The following SNX22 variants were observed in gnomAD, a reference collection of about 807,000 sequenced individuals.
SNX22 encodes the protein sorting nexin-22.
In SNX22, 23 loss-of-function variants were observed where a neutral mutation model predicts 24.7. That is an observed-to-expected ratio of 0.93 (90% CI 0.67 to 1.32). The LOEUF (loss-of-function observed/expected upper bound fraction) is 1.32. Ranked by LOEUF, SNX22 falls within the 40% of genes most tolerant of loss-of-function variation. The pLI is 0.00. For missense variants in SNX22, 261 were observed against 249.9 expected (o/e 1.04, Z -0.30); for synonymous variants, 99 against 104.0 (o/e 0.95, Z 0.29).
rs768139643 is a variant in SNX22 at position 64,154,697 on chromosome 15, G to A, written c.*189G>A. ...TAGCTGGAGGTGGTAGAATTTGTAT[G>A]CTCTTAGAGCCCAACAGCCAAGGCA... On this transcript the variant is annotated 3_prime_UTR_variant, in exon 7 of 7. Coordinates refer to ENST00000325881, the MANE Select transcript of SNX22 (RefSeq NM_024798.3). The A allele has an allele frequency of 4.2e-5, 28 of 667,326 alleles. No individual in the cohort carries two copies. Among genetic ancestry groups the A allele is most frequent in the Non-Finnish European group, 6.6e-5 (27 of 407,904 alleles). The allele number at this position is 667,326 out of a possible 1,614,324, so 41.3% of individuals were successfully genotyped here.
In SNX22 at chr15:64,156,080, G is replaced by C; in HGVS notation, c.*1572G>C. 2 of 1,614,208 alleles carry C rather than the reference G, an allele frequency of 1.2e-6. No individual in the cohort carries two copies. Among genetic ancestry groups the C allele is most frequent in the African/African-American group, 2.7e-5 (2 of 75,046 alleles). ...CCTCGATCTTGCCGCAGTCTGCGAT[G>C]ATCACATCCTTCAGGGGTTTATCCC... On this transcript the variant is annotated 3_prime_UTR_variant, in exon 7 of 7. Coordinates refer to ENST00000325881, the MANE Select transcript of SNX22 (RefSeq NM_024798.3). The surrounding 1 kb of genome is among the most constrained non-coding windows in gnomAD (Gnocchi z 6.4).
At position 64,153,353 on chromosome 15, in the gene SNX22, A is replaced by C; in HGVS notation, c.359+14A>C. ...TAGCAACTGGGGGTAAGGGGGGCCG[A>C]TGGCGGGGGCCAGGGGCTGTCAGCA... On this transcript the variant is annotated intron_variant, in intron 4 of 6. Transcript: ENST00000325881. 20 of 1,613,440 alleles carry C rather than the reference A, an allele frequency of 1.2e-5. No individual in the cohort carries two copies. Among genetic ancestry groups the C allele is most frequent in the Non-Finnish European group, 1.1e-5 (13 of 1,179,758 alleles).
intron 5 of SNX22, 30 bp from the exon 6 acceptor site, chr15:64,153,905 C>T (rs756967748): frequency 1.9e-6 from 3 of 1,603,620 alleles, no homozygotes; most frequent in Non-Finnish European, 2.6e-6. Context: ...GCCTCCCGCA[C>T]CCATGGTTCA....
chr15:64,152,765 G>GC (rs752125582), intron 3 of SNX22, 23 bp downstream of exon 3: 21 of 1,607,944 alleles, frequency 1.3e-5, no homozygotes, highest in Admixed American at 3.3e-5. Context: ...ACAGTTGGTT[G>GC]CCCCCCGGCC....
Position 64,155,309 on chromosome 15 carries a change from G to C in SNX22, c.*801G>C, listed in dbSNP as rs191958624. 9.4e-3 allele frequency: 1,423 copies of C among 152,136 alleles called. 23 individuals carry two copies. The highest frequency in any genetic ancestry group is 0.033 in the African/African-American group (1,365 of 41,352). 9.4% of individuals were successfully genotyped at this position (152,136 alleles called of 1,614,324 possible). A position where few individuals can be genotyped will look rare whatever the true frequency, so the allele number is the denominator to read the frequency against. ...AGCCAGGAGGCGGAAGTTGTGGTGA[G>C]CCGAGATCGCGCCACTGCACTCCAG... On this transcript the variant is annotated 3_prime_UTR_variant, in exon 7 of 7. Coordinates refer to ENST00000325881, the MANE Select transcript of SNX22 (RefSeq NM_024798.3).
chr15:64,153,585 G>A lies in SNX22; in HGVS notation c.360-67G>A, dbSNP rs1596024387. ...GGGAGGTGCAGTTCTGGGCTCTGGT[G>A]TCTCCACCCCTTCCTCACGCTCCCC... On this transcript the variant is annotated intron_variant, in intron 4 of 6. Transcript: ENST00000325881. 6 of 1,602,082 alleles carry A rather than the reference G, an allele frequency of 3.7e-6. No individual in the cohort carries two copies. In the East Asian group the frequency reaches 1.3e-4, roughly 36 times the overall value.
Position 64,151,790 on chromosome 15 carries a change from C to T in SNX22, c.15C>T (p.His5=), listed in dbSNP as rs1428310381. Residue 5 remains histidine (H), a synonymous_variant, in exon 1 of 7, where the codon CAC becomes CAT. Transcript: ENST00000325881. ...CCGGGGCGCGGATGCTGGAAGTTCA[C>T]ATCCCGTCGGTGGGGCCCGAGGCCG... MLEV[H]IPSVGPEAEG... The T allele has an allele frequency of 7.2e-6, 11 of 1,537,680 alleles. No homozygotes were observed. Among genetic ancestry groups the T allele is most frequent in the Non-Finnish European group, 9.6e-6 (11 of 1,144,004 alleles).
chr15:64,152,358 G>A, intron 2 of SNX22, 32 bp downstream of exon 2: 3 of 1,493,050 alleles, frequency 2.0e-6, no homozygotes, highest in Non-Finnish European at 2.7e-6. Flanking sequence ...ACCGGCCCCG[G>A]CCCAGCCTCT....
At position 64,156,425 on chromosome 15, in the gene SNX22, C is replaced by T. The variant is rs1432923397; in HGVS notation, c.*1917C>T. ...ACCAGGGCATGTGGCTTCTCAGGGA[C>T]ATTGCGTTCAGCTGCACTCTGTATA... On this transcript the variant is annotated 3_prime_UTR_variant, in exon 7 of 7. Transcript: ENST00000325881. This position sits in a 1 kb window ranked among gnomAD's most constrained non-coding sequence, Gnocchi z 6.4. 8 of 618,150 alleles carry T rather than the reference C, an allele frequency of 1.3e-5. No individual in the cohort carries two copies. In the East Asian group the frequency reaches 2.2e-4, roughly 17 times the overall value. The allele number at this position is 618,150 out of a possible 1,614,324, so 38.3% of individuals were successfully genotyped here. A position where few individuals can be genotyped will look rare whatever the true frequency, so the allele number is the denominator to read the frequency against.
intron 4 of SNX22, 48 bp from the exon 5 acceptor site, chr15:64,153,604 G>A (rs375947746): frequency 1.2e-6 from 2 of 1,612,716 alleles, no homozygotes; most frequent in South Asian, 1.1e-5. Flanking sequence ...CCTTCCTCAC[G>A]CTCCCCCGGC....
rs1445705211 is a variant in SNX22 at position 64,155,773 on chromosome 15, TA to T, written c.*1266del. ...TTGCAGGCATGTTGGGATGTAGGCC[TA>T]GGGGAGGTGCTGCAGGCTCAAGAAC... On this transcript the variant is annotated 3_prime_UTR_variant, in exon 7 of 7. Transcript: ENST00000325881. 2 of 476,346 alleles carry T rather than the reference TA, an allele frequency of 4.2e-6. No homozygotes were observed. Among genetic ancestry groups the T allele is most frequent in the Admixed American group, 3.4e-5 (1 of 29,792 alleles). 29.5% of individuals were successfully genotyped at this position (476,346 alleles called of 1,614,324 possible).
intron 3 of SNX22, 82 bp downstream of exon 3, chr15:64,152,824 G>C (rs1672813987): frequency 7.8e-7 from 1 of 1,276,078 alleles, no homozygotes; most frequent in Admixed American, 1.9e-5. Context: ...GGGCATGGCA[G>C]GGAGGGAACC....
rs2081539464 is a variant in SNX22 at position 64,157,158 on chromosome 15, T to C, written c.*2650T>C. ...TCACAGAAGGATTACTTTGAGAAGA[T>C]AGTTTTGTGGCTTTTAAATAAGGCG... On this transcript the variant is annotated 3_prime_UTR_variant, in exon 7 of 7. Transcript: ENST00000325881. This position sits in a 1 kb window ranked among gnomAD's most constrained non-coding sequence, Gnocchi z 4.2. The C allele has an allele frequency of 1.8e-6, 1 of 566,472 alleles. No homozygotes were observed. Among genetic ancestry groups the C allele is most frequent in the South Asian group, 2.2e-5 (1 of 46,368 alleles). 35.1% of individuals were successfully genotyped at this position (566,472 alleles called of 1,614,324 possible).
chr15:64,152,682 G>A lies in SNX22; in HGVS notation c.204G>A (p.Leu68=). The change falls in exon 3 of 7, where the codon CTG becomes CTA. Residue 68 remains leucine (L), a synonymous_variant. Transcript: ENST00000325881. ...YKVPDFPSKR[L]PNWRTRGLEQ... ...TGCCCGACTTCCCCTCGAAACGCCTGCCCAACTGGAGGACCAGAGGGTTGG... is the reference window on the plus strand; with the variant it reads ...TGCCCGACTTCCCCTCGAAACGCCTACCCAACTGGAGGACCAGAGGGTTGG... 6.2e-7 allele frequency: 1 copy of A among 1,614,206 alleles called. No homozygotes were observed. Among genetic ancestry groups the A allele is most frequent in the South Asian group, 1.1e-5 (1 of 91,088 alleles).
At chr15:64,151,880 G>A (rs1178883222) in intron 1 of SNX22, 30 bp downstream of exon 1, 6 of 1,513,362 alleles carry the variant, frequency 4.0e-6, no homozygotes, top group Non-Finnish European at 4.4e-6. Context: ...GGGGAGGGGC[G>A]CCGGGACCCG....
Position 64,154,417 on chromosome 15 carries a change from T to C in SNX22, c.491T>C (p.Val164Ala). The C allele has an allele frequency of 6.2e-7, 1 of 1,614,142 alleles. No individual in the cohort carries two copies. The highest frequency in any genetic ancestry group is 8.5e-7 in the Non-Finnish European group (1 of 1,180,018). ...ESLPNVVVNGVLQGLYSFSIS... is the reference protein window; with the variant it reads ...ESLPNVVVNGALQGLYSFSIS... ...CTGCCCAACGTGGTGGTGAATGGTG[T>C]GCTCCAGGGCCTCTACAGCTTCAGC... Residue 164 changes from valine (V) to alanine (A), a missense_variant, in exon 7 of 7, where the codon GTG (valine) becomes GCG (alanine). Val to Ala is a moderately conservative substitution (Grantham distance 64). Coordinates refer to ENST00000325881, the MANE Select transcript of SNX22 (RefSeq NM_024798.3).
At position 64,154,084 on chromosome 15, in the gene SNX22, T is replaced by A. The variant is rs115888778; in HGVS notation, c.460+82T>A. The A allele has an allele frequency of 3.3e-3, 5,331 of 1,613,168 alleles. 54 individuals carry two copies. Among genetic ancestry groups the A allele is most frequent in the African/African-American group, 0.028 (2,121 of 74,988 alleles). On this transcript the variant is annotated intron_variant, in intron 6 of 6. Coordinates refer to ENST00000325881, the MANE Select transcript of SNX22 (RefSeq NM_024798.3). Reference sequence around the variant, plus strand: ...CGGCTCCTGGGACCCTCAGACAGCATCTCCTTCCTGCTGCCCACCTCTGGA... The same window carrying A: ...CGGCTCCTGGGACCCTCAGACAGCAACTCCTTCCTGCTGCCCACCTCTGGA...
rs577524527 is a variant in SNX22 at position 64,156,456 on chromosome 15, G to A, written c.*1948G>A. The A allele has an allele frequency of 1.6e-6, 1 of 617,714 alleles. No individual in the cohort carries two copies. Among genetic ancestry groups the A allele is most frequent in the Non-Finnish European group, 2.9e-6 (1 of 348,294 alleles). 38.3% of individuals were successfully genotyped at this position (617,714 alleles called of 1,614,324 possible). A position where few individuals can be genotyped will look rare whatever the true frequency, so the allele number is the denominator to read the frequency against. On this transcript the variant is annotated 3_prime_UTR_variant, in exon 7 of 7. Transcript: ENST00000325881. The surrounding 1 kb of genome is among the most constrained non-coding windows in gnomAD (Gnocchi z 6.4). ...GTTCAGCTGCACTCTGTATACCTCA[G>A]GGGTGGGACCAGCACGTCACTGAGT...
chr15:64,152,088 G>A, intron 1 of SNX22, 155 bp from the exon 2 acceptor site: 1 of 815,998 alleles, frequency 1.2e-6, no homozygotes, highest in East Asian at 3.3e-5. Flanking sequence ...GTTCTCCCAG[G>A]TGTGCGGGAG....
Sources: allele counts gnomAD v4.1 joint callset, GRCh38; gene constraint gnomAD v4.1.1; non-coding constraint Gnocchi (gnomAD v3.1); transcripts MANE v1.5; gene names NCBI Gene and HGNC (gene_info 2026-07-23, HGNC 2026-07-21).